Variants in GABRB3 observed in about 807,000 individuals in gnomAD.
GABRB3 encodes the protein gamma-aminobutyric acid receptor subunit beta-3.
GABRB3 carries 14 observed loss-of-function variants against 52.1 expected under a neutral mutation model. The ratio of observed to expected loss-of-function variants is 0.27; its 90% CI spans 0.18 to 0.42. The LOEUF is 0.42. Ranked by LOEUF, GABRB3 falls within the 10% of genes least tolerant of loss-of-function variation. The probability of loss-of-function intolerance (pLI) is 1.00; values close to 1 mark genes in which losing one functional copy is unlikely to be tolerated. For missense variants in GABRB3, 307 were observed against 609.1 expected (o/e 0.50, Z 5.22); for synonymous variants, 260 against 232.3 (o/e 1.12, Z -1.08).
chr15:26,691,703 A>C (rs1888595455), intron 3 of GABRB3, among the ~76,000 whole-genome samples: 2 of 152,172 alleles, frequency 1.3e-5, no homozygotes. Context: ...ATACTTAATT[A>C]ATTTCCTACC....
At chr15:26,564,028 T>A (rs1051388274) in intron 7 of GABRB3, among the ~76,000 whole-genome samples, 1 of 152,170 alleles carries the variant, frequency 6.6e-6, no homozygotes, top group Non-Finnish European at 1.5e-5. Context: ...TTTAGAAGTA[T>A]CAGTACTTTT....
upstream of GABRB3, chr15:26,773,512 TTG>T: frequency 1.9e-6 from 1 of 540,052 alleles, no homozygotes. Flanking sequence ...GCCGCCGAAG[TTG>T]GCCCCGCACG....
At chr15:26,719,552 T>C (rs1287199578) in intron 3 of GABRB3, among the ~76,000 whole-genome samples, 2 of 152,366 alleles carry the variant, frequency 1.3e-5, no homozygotes, top group African/African-American at 2.4e-5. Flanking sequence ...CAGCTTTGAA[T>C]GGCTGACAAC....
At position 26,624,907 on chromosome 15, in the gene GABRB3, C is replaced by T. The variant is rs531555307; in HGVS notation, c.241-3373G>A. The T allele has an allele frequency of 1.7e-4, 171 of 985,464 alleles. No homozygotes were observed. The African/African-American group carries it at 2.8e-3, about 16-fold the overall frequency. 61.0% of individuals were successfully genotyped at this position (985,464 alleles called of 1,614,324 possible). ...GTGACGTGCAGTGGTGAGCACTGAG[C>T]CAGGAACAGCGGGCAGCCGCTTGTG... On this transcript the variant is annotated intron_variant, in intron 3 of 8. Coordinates refer to ENST00000311550, the MANE Select transcript of GABRB3 (RefSeq NM_000814.6).
At chr15:26,553,515 G>A (rs1190260532) in intron 8 of GABRB3, 1 of 152,088 alleles carries the variant, frequency 6.6e-6, no homozygotes, top group Non-Finnish European at 1.5e-5. Context: ...AAGTGAAATC[G>A]TTTTCCTGAA....
At chr15:26,620,429 T>G (rs946158459) in intron 4 of GABRB3, among the ~76,000 whole-genome samples, 3 of 152,140 alleles carry the variant, frequency 2.0e-5, no homozygotes, top group Non-Finnish European at 4.4e-5. Flanking sequence ...AAAGTCTTAG[T>G]TCAAAGCCTC....
intron 3 of GABRB3, among the ~76,000 whole-genome samples, chr15:26,679,195 T>A (rs1888161696): frequency 6.6e-6 from 1 of 152,144 alleles, no homozygotes; most frequent in South Asian, 2.1e-4. Flanking sequence ...AATGAAAACA[T>A]TAACTCTTTT....
At chr15:26,570,002 G>A (rs1009036026) in intron 6 of GABRB3, among the ~76,000 whole-genome samples, 5 of 151,950 alleles carry the variant, frequency 3.3e-5, no homozygotes, top group African/African-American at 4.8e-5. Flanking sequence ...GCTAATCCTC[G>A]CTTGTATTCT....
chr15:26,739,920 A>C (rs576860499), intron 3 of GABRB3, among the ~76,000 whole-genome samples: 18 of 152,352 alleles, frequency 1.2e-4, no homozygotes, highest in Non-Finnish European at 2.4e-4. Flanking sequence ...GGGGCTGCAC[A>C]CAAGAGATTT....
At position 26,606,776 on chromosome 15, in the gene GABRB3, A is replaced by ATATCTATCGATAGATATATC. The variant is rs374800068; in HGVS notation, c.461+14537_461+14538insGATATATCTATCGATAGATA. Among the ~76,000 whole-genome samples, 43 of 118,408 alleles carry ATATCTATCGATAGATATATC rather than the reference A, an allele frequency of 3.6e-4. 3 individuals are homozygous for ATATCTATCGATAGATATATC. Among genetic ancestry groups the ATATCTATCGATAGATATATC allele is most frequent in the Middle Eastern group, 4.5e-3 (1 of 222 alleles). 77.7% of individuals were successfully genotyped at this position (118,408 alleles called of 152,430 possible). Reference sequence around the variant, plus strand: ...CATACATATCTGTCTATCTATAGATAGATAGATATATCTATAGATAGATAT... The same window carrying ATATCTATCGATAGATATATC: ...CATACATATCTGTCTATCTATAGATATATCTATCGATAGATATATCGATAGATATATCTATAGATAGATAT... On this transcript the variant is annotated intron_variant, in intron 4 of 8. Coordinates refer to ENST00000311550, the MANE Select transcript of GABRB3 (RefSeq NM_000814.6).
chr15:26,634,513 A>C (rs1370039995), intron 3 of GABRB3, among the ~76,000 whole-genome samples: 1 of 152,022 alleles, frequency 6.6e-6, no homozygotes, highest in Non-Finnish European at 1.5e-5. Context: ...GAGTGTTTCC[A>C]CTGATGTCGC....
chr15:26,735,934 A>G (rs933726460), intron 3 of GABRB3, among the ~76,000 whole-genome samples: 6 of 151,710 alleles, frequency 4.0e-5, no homozygotes, highest in African/African-American at 1.5e-4. Context: ...CAGCCTGGGC[A>G]ACAGAGAGAG....
At chr15:26,650,939 T>C (rs1887177716) in intron 3 of GABRB3, among the ~76,000 whole-genome samples, 1 of 152,070 alleles carries the variant, frequency 6.6e-6, no homozygotes, top group South Asian at 2.1e-4. Flanking sequence ...CTGAGAGCCA[T>C]GTTCATCACT....
chr15:26,650,158 T>C (rs771006453), intron 3 of GABRB3, among the ~76,000 whole-genome samples: 2 of 152,188 alleles, frequency 1.3e-5, no homozygotes, highest in East Asian at 3.9e-4. Context: ...CAGAGCCCTG[T>C]TGGGTGCTTC....
chr15:26,745,073 T>C lies in GABRB3; in HGVS notation c.240+27329A>G, dbSNP rs1348731748. Among the ~76,000 whole-genome samples, 4 of 152,136 alleles carry C rather than the reference T, an allele frequency of 2.6e-5. No individual in the cohort carries two copies. The East Asian group carries it at 7.8e-4, about 30-fold the overall frequency. On this transcript the variant is annotated intron_variant, in intron 3 of 8. Coordinates refer to ENST00000311550, the MANE Select transcript of GABRB3 (RefSeq NM_000814.6). The stretch of plus-strand genomic sequence containing the variant: ...GCGAGAACAGGAGCAAGAGAGTGAT[T>C]GGCAGGGGGAGGTGCCACACGCTTC...
rs770840609 is a variant in GABRB3 at position 26,713,521 on chromosome 15, C to A, written c.240+58881G>T. The stretch of plus-strand genomic sequence containing the variant: ...GAGTAAGGAGAGAGGAAGAGGCTAC[C>A]GGGATGATCCAGCCTGGAGGTCTGT... On this transcript the variant is annotated intron_variant, in intron 3 of 8. Transcript: ENST00000311550. Among the ~76,000 whole-genome samples the A allele has an allele frequency of 3.2e-4, 49 of 151,934 alleles. 1 individual carries two copies. Among genetic ancestry groups the A allele is most frequent in the Non-Finnish European group, 6.0e-4 (41 of 67,994 alleles).
intron 3 of GABRB3, among the ~76,000 whole-genome samples, chr15:26,734,389 G>C (rs1273841836): frequency 6.6e-6 from 1 of 151,944 alleles, no homozygotes; most frequent in Non-Finnish European, 1.5e-5. Flanking sequence ...ATTGTATTTA[G>C]CAGTGACTTC....
intron 8 of GABRB3, among the ~76,000 whole-genome samples, chr15:26,554,160 A>ATATATATATATATAT (rs1567097351): frequency 7.2e-4 from 15 of 20,808 alleles, no homozygotes; most frequent in African/African-American, 2.6e-3. Flanking sequence ...ATATATATAA[A>ATATATATATATATAT]GTATATATAT....
intron 3 of GABRB3, among the ~76,000 whole-genome samples, chr15:26,718,452 G>A (rs200152018): frequency 9.9e-5 from 15 of 152,144 alleles, no homozygotes; most frequent in East Asian, 9.7e-4. Flanking sequence ...CAGGTGATCC[G>A]CCCACCTCAG....
Sources: allele counts gnomAD v4.1 joint callset (sites outside exome capture counted in the v4.1 genomes callset), GRCh38; gene constraint gnomAD v4.1.1; transcripts MANE v1.5; gene names NCBI Gene and HGNC (gene_info 2026-07-23, HGNC 2026-07-21).